Variants in COL22A1 observed in about 807,000 individuals in gnomAD.
COL22A1 encodes collagen alpha-1(XXII) chain.
Under a neutral mutation model 248.9 loss-of-function variants are expected in COL22A1, and 221 were observed. The ratio of observed to expected loss-of-function variants is 0.89; its 90% CI spans 0.80 to 0.99. The LOEUF is 0.99. Among genes scored for constraint, COL22A1 ranks in the 50% least tolerant of loss-of-function variants. The pLI is 0.00. For synonymous variants in COL22A1, 891 were observed against 793.4 expected (o/e 1.12, Z -2.07); for missense variants, 2,240 against 2,179.0 (o/e 1.03, Z -0.56).
At chr8:138,644,467 C>T (rs1027207338) in intron 47 of COL22A1, among the ~76,000 whole-genome samples, 10 of 150,576 alleles carry the variant, frequency 6.6e-5, no homozygotes, top group South Asian at 2.1e-4. Context: ...AAATCCTAGG[C>T]CCCCCAACCA....
intron 7 of COL22A1, among the ~76,000 whole-genome samples, chr8:138,818,710 C>A (rs898944400): frequency 5.3e-5 from 8 of 152,228 alleles, no homozygotes; most frequent in African/African-American, 1.9e-4. Flanking sequence ...GGTAAAGGAG[C>A]ACTTTAGTGC....
chr8:138,758,021 G>A (rs997322146), intron 18 of COL22A1, among the ~76,000 whole-genome samples: 1 of 152,210 alleles, frequency 6.6e-6, no homozygotes, highest in Non-Finnish European at 1.5e-5. Flanking sequence ...TGATAAAAAT[G>A]ACTGTGGCTT....
intron 16 of COL22A1, among the ~76,000 whole-genome samples, chr8:138,768,231 C>T (rs994146707): frequency 7.2e-5 from 11 of 152,190 alleles, no homozygotes; most frequent in South Asian, 4.1e-4. Context: ...AGGATGCAGC[C>T]GCCTCCTCAG....
chr8:138,741,751 G>A (rs1393149242), intron 22 of COL22A1, among the ~76,000 whole-genome samples: 1 of 152,240 alleles, frequency 6.6e-6, no homozygotes, highest in African/African-American at 2.4e-5. Context: ...GTGCCACAGA[G>A]TTTAAATTGG....
chr8:138,866,234 C>T (rs182342130), intron 3 of COL22A1, among the ~76,000 whole-genome samples: 72 of 152,292 alleles, frequency 4.7e-4, no homozygotes, highest in African/African-American at 1.7e-3. Context: ...TCTGGGAAAT[C>T]CCCAAGACAT....
intron 59 of COL22A1, among the ~76,000 whole-genome samples, chr8:138,602,747 C>T (rs1329098841): frequency 2.0e-5 from 3 of 152,212 alleles, no homozygotes; most frequent in Non-Finnish European, 4.4e-5. Flanking sequence ...ACAAGGGACA[C>T]GGCCCACAGT....
At chr8:138,787,831 G>A (rs1452157984) in intron 12 of COL22A1, among the ~76,000 whole-genome samples, 1 of 152,100 alleles carries the variant, frequency 6.6e-6, no homozygotes, top group Non-Finnish European at 1.5e-5. Context: ...ATATGGGGAG[G>A]GGGGCAACCA....
chr8:138,639,277 C>A (rs1821459942), intron 47 of COL22A1, among the ~76,000 whole-genome samples: 1 of 152,142 alleles, frequency 6.6e-6, no homozygotes, highest in Admixed American at 6.5e-5. Flanking sequence ...AATCCAGATC[C>A]ATTTGTCTGA....
Position 138,796,819 on chromosome 8 carries a change from C to G in COL22A1, c.1596G>C (p.Lys532Asn). ...AGTGTGATAAAAGGAAGATGCTTAC[C>G]TTTTCACCCTTTTCCCCTTGGCCAA... ...GPFGQGEKGE[K>N]GSLGLPGPPG... Residue 532 changes from lysine to asparagine, a missense_variant and splice_region_variant, in exon 12 of 65, where the codon AAG becomes AAC. Physicochemically the swap from Lys to Asn is moderately conservative, Grantham distance 94 (BLOSUM62 0). Coordinates refer to ENST00000303045, the MANE Select transcript of COL22A1 (RefSeq NM_152888.3). 3 of 1,596,808 alleles carry G rather than the reference C, an allele frequency of 1.9e-6. No homozygotes were observed. The highest frequency in any genetic ancestry group is 2.6e-6 in the Non-Finnish European group (3 of 1,164,426).
At chr8:138,710,672 C>T (rs1396299917) in intron 30 of COL22A1, among the ~76,000 whole-genome samples, 4 of 151,584 alleles carry the variant, frequency 2.6e-5, no homozygotes, top group Non-Finnish European at 2.9e-5. Flanking sequence ...ATGAACCTGC[C>T]CTAAGTCACA....
chr8:138,903,217 C>G (rs1354491110), intron 1 of COL22A1, among the ~76,000 whole-genome samples: 2 of 152,144 alleles, frequency 1.3e-5, no homozygotes, highest in African/African-American at 4.8e-5. Context: ...GTCCCTTTCA[C>G]AGACTGAAAC....
intron 39 of COL22A1, among the ~76,000 whole-genome samples, chr8:138,683,648 T>C (rs1386991944): frequency 1.3e-5 from 2 of 152,154 alleles, no homozygotes; most frequent in Non-Finnish European, 2.9e-5. Flanking sequence ...CCCAAGAATT[T>C]GGTAGAAGAT....
At chr8:138,694,014 T>C (rs894786546) in intron 34 of COL22A1, among the ~76,000 whole-genome samples, 2 of 152,076 alleles carry the variant, frequency 1.3e-5, no homozygotes, top group African/African-American at 4.8e-5. Context: ...CAGGATCTCC[T>C]ACCATAGCAC....
At chr8:138,716,734 C>T (rs1264970285) in intron 28 of COL22A1, 91 bp downstream of exon 28, 1 of 955,790 alleles carries the variant, frequency 1.0e-6, no homozygotes. Context: ...AGGATTAATT[C>T]CTCTTGGCAT....
At chr8:138,690,232 A>G (rs1344490511) in intron 36 of COL22A1, among the ~76,000 whole-genome samples, 1 of 152,208 alleles carries the variant, frequency 6.6e-6, no homozygotes, top group Non-Finnish European at 1.5e-5. Context: ...ACTAGATGTC[A>G]TGGAGTGTTT....
chr8:138,589,586 C>T (rs556825337), intron 64 of COL22A1, 146 bp from the exon 65 acceptor site: 405 of 589,332 alleles, frequency 6.9e-4, no homozygotes, highest in Admixed American at 1.1e-3. Flanking sequence ...GAGCTCTGAG[C>T]AACTAGAGTG....
intron 30 of COL22A1, among the ~76,000 whole-genome samples, chr8:138,710,662 A>G (rs1433721111): frequency 6.6e-6 from 1 of 151,904 alleles, no homozygotes; most frequent in African/African-American, 2.4e-5. Context: ...AAAAATGTCA[A>G]TGAACCTGCC....
At chr8:138,775,345 G>A (rs940692080) in intron 16 of COL22A1, among the ~76,000 whole-genome samples, 8 of 152,330 alleles carry the variant, frequency 5.3e-5, no homozygotes, top group African/African-American at 1.4e-4. Context: ...CGGCAACAAT[G>A]TCAGCACATA....
intron 1 of COL22A1, among the ~76,000 whole-genome samples, chr8:138,885,046 AG>A (rs1824547109): frequency 1.3e-5 from 2 of 152,106 alleles, no homozygotes; most frequent in Non-Finnish European, 2.9e-5. Context: ...ACACACACAC[AG>A]GGGAAGCGAG....
Sources: gnomAD v4.1 joint callset for allele counts (sites outside exome capture counted in the v4.1 genomes callset) on GRCh38, gnomAD v4.1.1 for gene constraint, MANE v1.5 for transcripts, NCBI Gene and HGNC (gene_info 2026-07-23, HGNC 2026-07-21) for gene names.